Variants in MARCHF6 observed in about 807,000 individuals in gnomAD.
MARCHF6 encodes the protein membrane associated ring-CH-type finger 6.
A neutral mutation model predicts 133.7 loss-of-function variants in MARCHF6; 31 were observed. The observed-to-expected ratio is 0.23, with a 90% confidence interval of 0.17 to 0.31. The LOEUF (loss-of-function observed/expected upper bound fraction) is 0.31. Among genes scored for constraint, MARCHF6 ranks in the 10% least tolerant of loss-of-function variants. The pLI is 1.00. For synonymous variants in MARCHF6, 395 were observed against 402.5 expected (o/e 0.98, Z 0.22); for missense variants, 723 against 1,121.6 (o/e 0.64, Z 5.08).
rs1392080289 is a variant in MARCHF6, at chr5:10,368,840, T to C, written c.20-8958T>C. On this transcript the variant is annotated intron_variant, in intron 1 of 25. Coordinates refer to ENST00000274140, the MANE Select transcript of MARCHF6 (RefSeq NM_005885.4). ...TGCCCACCATGGCCTCCCAAAGTGTTGGGATTACAGGCGTGAGCCACCGTG... is the reference window on the plus strand; with the variant it reads ...TGCCCACCATGGCCTCCCAAAGTGTCGGGATTACAGGCGTGAGCCACCGTG... 5.9e-5 allele frequency among the ~76,000 whole-genome samples: 9 copies of C among 151,900 alleles called. 1 individual carries two copies. Among genetic ancestry groups the C allele is most frequent in the Admixed American group, 5.9e-4 (9 of 15,244 alleles).
At position 10,369,924 on chromosome 5, in the gene MARCHF6, G is replaced by T. The variant is rs546957832; in HGVS notation, c.20-7874G>T. ...TGAGTTGATTGTTTCTAGTTTTGGG[G>T]AATTAAGGATGAAACCGTTATACAT... On this transcript the variant is annotated intron_variant, in intron 1 of 25. Transcript: ENST00000274140. Among the ~76,000 whole-genome samples the T allele has an allele frequency of 2.0e-5, 3 of 152,000 alleles. No individual in the cohort carries two copies. The East Asian group carries it at 5.8e-4, about 29-fold the overall frequency.
intron 7 of MARCHF6, 105 bp downstream of exon 7, chr5:10,391,836 C>T: frequency 8.8e-7 from 1 of 1,140,898 alleles, no homozygotes; most frequent in Non-Finnish European, 1.1e-6. Flanking sequence ...TTGTGAAGTT[C>T]TATTTCTAAC....
intron 7 of MARCHF6, among the ~76,000 whole-genome samples, chr5:10,392,147 A>G (rs1414600160): frequency 6.6e-6 from 1 of 152,024 alleles, no homozygotes; most frequent in African/African-American, 2.4e-5. Flanking sequence ...TTTAGTAGAG[A>G]CGGGGTTTCA....
intron 22 of MARCHF6, among the ~76,000 whole-genome samples, chr5:10,418,039 T>C (rs1338913472): frequency 6.6e-6 from 1 of 152,168 alleles, no homozygotes; most frequent in East Asian, 1.9e-4. Flanking sequence ...TTTAATACTT[T>C]TGAATTATTA....
chr5:10,394,689 A>T (rs16884635), intron 8 of MARCHF6, 64 bp from the exon 9 acceptor site: 5 of 1,314,410 alleles, frequency 3.8e-6, no homozygotes, highest in Non-Finnish European at 5.4e-6. Context: ...GAGGCTTTTC[A>T]TAAATTAGAA....
At chr5:10,415,300 G>A (rs1739445341) in intron 20 of MARCHF6, among the ~76,000 whole-genome samples, 188 bp from the exon 21 acceptor site, 1 of 152,100 alleles carries the variant, frequency 6.6e-6, no homozygotes, top group Admixed American at 6.6e-5. Flanking sequence ...CCTTGTTTTG[G>A]TTGTGATTTC....
intron 10 of MARCHF6, among the ~76,000 whole-genome samples, chr5:10,399,909 A>G (rs1312610166): frequency 6.6e-6 from 1 of 152,182 alleles, no homozygotes; most frequent in Non-Finnish European, 1.5e-5. Context: ...ACATCTGTCC[A>G]TCTGCTTCCT....
Position 10,438,573 on chromosome 5 carries a change from T to TA in MARCHF6, c.*4891dup, listed in dbSNP as rs1740733618. 6.6e-6 allele frequency: 1 copy of TA among 152,222 alleles called. No individual in the cohort carries two copies. Among genetic ancestry groups the TA allele is most frequent in the Non-Finnish European group, 1.5e-5 (1 of 68,028 alleles). 9.4% of individuals were successfully genotyped at this position (152,222 alleles called of 1,614,324 possible). A position where few individuals can be genotyped will look rare whatever the true frequency, so the allele number is the denominator to read the frequency against. On this transcript the variant is annotated 3_prime_UTR_variant, in exon 26 of 26. Coordinates refer to ENST00000274140, the MANE Select transcript of MARCHF6 (RefSeq NM_005885.4). ...GCAAACATGTAGTGATAAGGAGAAC[T>TA]AACGTATCAAGGGGCTGAGAGGGTA...
At chr5:10,365,865 A>C (rs1278152284) in intron 1 of MARCHF6, among the ~76,000 whole-genome samples, 1 of 152,108 alleles carries the variant, frequency 6.6e-6, no homozygotes, top group Non-Finnish European at 1.5e-5. Flanking sequence ...GTTTTTACCT[A>C]GTTGGAAGTA....
chr5:10,353,807 C>T lies in MARCHF6; in HGVS notation c.-92C>T, dbSNP rs1368270022. 4 of 1,226,466 alleles carry T rather than the reference C, an allele frequency of 3.3e-6. No individual in the cohort carries two copies. In the East Asian group the frequency reaches 8.4e-5, roughly 26 times the overall value. 76.0% of individuals were successfully genotyped at this position (1,226,466 alleles called of 1,614,324 possible). A position where few individuals can be genotyped will look rare whatever the true frequency, so the allele number is the denominator to read the frequency against. ...CTCGCACCTGAGCGTACGCACCTGC[C>T]CGGGCCCGGCTCCCTCCTCCTCTCC... On this transcript the variant is annotated 5_prime_UTR_variant, in exon 1 of 26. Coordinates refer to ENST00000274140, the MANE Select transcript of MARCHF6 (RefSeq NM_005885.4).
intron 11 of MARCHF6, chr5:10,401,503 AT>A (rs1278312049): frequency 6.5e-6 from 1 of 153,920 alleles, no homozygotes; most frequent in African/African-American, 2.4e-5. Context: ...GTTTTGAAAA[AT>A]TTTGACTTTC....
chr5:10,428,570 G>T (rs1740214498), intron 24 of MARCHF6, among the ~76,000 whole-genome samples: 1 of 152,004 alleles, frequency 6.6e-6, no homozygotes, highest in African/African-American at 2.4e-5. Context: ...TTGAACTTCT[G>T]ACCTCAGATA....
intron 10 of MARCHF6, among the ~76,000 whole-genome samples, chr5:10,399,575 TTC>T (rs10607486): frequency 0.053 from 7,985 of 152,090 alleles, 700 homozygotes; most frequent in African/African-American, 0.18. Flanking sequence ...ACTATAAAAA[TTC>T]TCTTGCTATA....
In MARCHF6 at chr5:10,390,312, T is replaced by C. The variant is rs1561120689; in HGVS notation, c.408-20T>C. 2 of 1,606,876 alleles carry C rather than the reference T, an allele frequency of 1.2e-6. No individual in the cohort carries two copies. Among genetic ancestry groups the C allele is most frequent in the Non-Finnish European group, 1.7e-6 (2 of 1,176,232 alleles). ...TTAAGTCTTCTTTGGAGTAATTATA[T>C]GTACTTTTTTTTTTAATAGGGAAAA... On this transcript the variant is annotated intron_variant, in intron 5 of 25. Coordinates refer to ENST00000274140, the MANE Select transcript of MARCHF6 (RefSeq NM_005885.4).
intron 7 of MARCHF6, among the ~76,000 whole-genome samples, chr5:10,393,684 C>T (rs1238702663): frequency 6.6e-6 from 1 of 152,168 alleles, no homozygotes; most frequent in Non-Finnish European, 1.5e-5. Context: ...ATCCAGACTC[C>T]ACATTCCTCT....
chr5:10,377,185 C>G (rs560963742), intron 1 of MARCHF6, among the ~76,000 whole-genome samples: 20 of 152,222 alleles, frequency 1.3e-4, no homozygotes, highest in African/African-American at 4.8e-4. Flanking sequence ...TTAGCGCTGT[C>G]CCTTCTGCTT....
At chr5:10,353,942 G>A in intron 1 of MARCHF6, 25 bp downstream of exon 1, 3 of 1,542,146 alleles carry the variant, frequency 1.9e-6, no homozygotes, top group South Asian at 2.4e-5. Flanking sequence ...CGCGGCGCCC[G>A]AGCCCTTGCG....
Position 10,422,613 on chromosome 5 carries a change from A to G in MARCHF6, c.2284-1122A>G, listed in dbSNP as rs886687490. On this transcript the variant is annotated intron_variant, in intron 22 of 25. Transcript: ENST00000274140. ...CAAAAAATCATTTAGCTGTTCACCT[A>G]TCAGGGTGAAGATTGATATTTGAGG... 3.3e-5 allele frequency among the ~76,000 whole-genome samples: 5 copies of G among 152,184 alleles called. No individual in the cohort carries two copies. In the South Asian group the frequency reaches 8.3e-4, roughly 25 times the overall value.
chr5:10,357,929 G>T (rs902424772), intron 1 of MARCHF6, among the ~76,000 whole-genome samples: 2 of 150,994 alleles, frequency 1.3e-5, no homozygotes, highest in African/African-American at 4.9e-5. Flanking sequence ...TGAATTGGGA[G>T]GGAATAAGAA....
Sources: allele counts gnomAD v4.1 joint callset (sites outside exome capture counted in the v4.1 genomes callset), GRCh38; gene constraint gnomAD v4.1.1; transcripts MANE v1.5; gene names NCBI Gene and HGNC (gene_info 2026-07-23, HGNC 2026-07-21).